CACNA1D: variants seen among roughly 807,000 people sequenced by gnomAD.
The protein encoded by CACNA1D is voltage-dependent L-type calcium channel subunit alpha-1D.
Under a neutral mutation model 257.1 loss-of-function variants are expected in CACNA1D, and 55 were observed. The observed-to-expected ratio is 0.21, with a 90% CI of 0.17 to 0.27. CACNA1D has a LOEUF of 0.27. CACNA1D is among the 10% of genes least tolerant of loss of function. The pLI, the probability that CACNA1D is intolerant of heterozygous loss-of-function variation, is 1.00. For synonymous variants in CACNA1D, 980 were observed against 1,014.9 expected (o/e 0.97, Z 0.65); for missense variants, 1,876 against 2,784.0 (o/e 0.67, Z 7.34).
intron 3 of CACNA1D, among the ~76,000 whole-genome samples, chr3:53,641,946 T>A (rs2093957310): frequency 6.6e-6 from 1 of 152,164 alleles, no homozygotes; most frequent in Non-Finnish European, 1.5e-5. Flanking sequence ...CCTCAACATT[T>A]TAGAGACATG....
chr3:53,596,527 G>C (rs2093372306), intron 3 of CACNA1D, among the ~76,000 whole-genome samples: 1 of 152,168 alleles, frequency 6.6e-6, no homozygotes, highest in African/African-American at 2.4e-5. Flanking sequence ...ATTAACTTCA[G>C]AATCTTGAGA....
rs760976753 is a variant in CACNA1D, at chr3:53,774,699, C to T, written c.4202+21C>T. The T allele has an allele frequency of 1.4e-5, 21 of 1,508,058 alleles. No individual in the cohort carries two copies. The highest frequency in any genetic ancestry group is 1.3e-4 in the South Asian group (12 of 88,956). 93.4% of individuals were successfully genotyped at this position (1,508,058 alleles called of 1,614,324 possible). A position where few individuals can be genotyped will look rare whatever the true frequency, so the allele number is the denominator to read the frequency against. On this transcript the variant is annotated intron_variant, in intron 34 of 47. Transcript: ENST00000350061. This position sits in a 1 kb window ranked among gnomAD's most constrained non-coding sequence, Gnocchi z 4.3. ...TTCAGGTGACTGCAACTGGCTTGGG[C>T]GGTGCTCCTGGGCAGGGGGGTCCGC...
intron 3 of CACNA1D, among the ~76,000 whole-genome samples, chr3:53,579,441 G>T (rs1276610621): frequency 6.6e-6 from 1 of 152,178 alleles, no homozygotes; most frequent in African/African-American, 2.4e-5. Flanking sequence ...CCCAGTTAAA[G>T]ATGCCTCATA....
At chr3:53,808,442 A>C in intron 45 of CACNA1D, 2 of 592,584 alleles carry the variant, frequency 3.4e-6, no homozygotes, top group Non-Finnish European at 6.0e-6. Context: ...GTAAGTTTGT[A>C]CTTTAAAAAA....
intron 19 of CACNA1D, 86 bp downstream of exon 19, chr3:53,733,048 G>A (rs2095015126): frequency 1.4e-6 from 2 of 1,392,730 alleles, no homozygotes; most frequent in Non-Finnish European, 2.0e-6. Flanking sequence ...TGGGGGTGAG[G>A]GGAAGTGGTT....
intron 10 of CACNA1D, 157 bp downstream of exon 10, chr3:53,718,545 G>A (rs1298776382): frequency 9.6e-7 from 1 of 1,043,110 alleles, no homozygotes; most frequent in African/African-American, 1.6e-5. Flanking sequence ...TTCCTCCTGT[G>A]CCAGGGCTAT....
chr3:53,649,648 T>C (rs2094067031), intron 3 of CACNA1D, among the ~76,000 whole-genome samples: 1 of 152,238 alleles, frequency 6.6e-6, no homozygotes, highest in African/African-American at 2.4e-5. Flanking sequence ...CTATTTTATT[T>C]TGACCTCTTG....
At chr3:53,745,602 C>A (rs376510141) in intron 23 of CACNA1D, 22 bp from the exon 24 acceptor site, 62 of 1,528,146 alleles carry the variant, frequency 4.1e-5, no homozygotes, top group Non-Finnish European at 5.6e-5. Flanking sequence ...AGAAGAGTCA[C>A]GCCCCTCTGC....
At chr3:53,651,366 CTTTTTTTTTT>C (rs779207160) in intron 4 of CACNA1D, among the ~76,000 whole-genome samples, 3 of 81,836 alleles carry the variant, frequency 3.7e-5, no homozygotes, top group Non-Finnish European at 6.9e-5. Flanking sequence ...TATTAATTTT[CTTTTTTTTTT>C]TTTTTTTTTT....
At chr3:53,628,032 T>TAAATA (rs1350178521) in intron 3 of CACNA1D, among the ~76,000 whole-genome samples, 3 of 151,746 alleles carry the variant, frequency 2.0e-5, no homozygotes, top group African/African-American at 4.8e-5. Context: ...AAAAAATAAA[T>TAAATA]AAATAAAATA....
intron 20 of CACNA1D, among the ~76,000 whole-genome samples, chr3:53,736,618 G>A (rs1035584473): frequency 9.9e-5 from 15 of 152,262 alleles, no homozygotes; most frequent in Non-Finnish European, 1.6e-4. Context: ...TTGGCTGGGC[G>A]TGGTGGCTTA....
chr3:53,746,217 A>C (rs2095167664), intron 25 of CACNA1D, among the ~76,000 whole-genome samples: 1 of 152,170 alleles, frequency 6.6e-6, no homozygotes, highest in South Asian at 2.1e-4. Context: ...CTGAAATAAC[A>C]ATTATGAAAT....
At chr3:53,795,882 G>T (rs1246170836) in intron 40 of CACNA1D, among the ~76,000 whole-genome samples, 3 of 152,196 alleles carry the variant, frequency 2.0e-5, no homozygotes, top group Non-Finnish European at 4.4e-5. Context: ...AGGGGAGCTT[G>T]TGGGGGTCAT....
rs375672187 is a variant in CACNA1D at position 53,672,691 on chromosome 3, T to C, written c.1117-332T>C. Among the ~76,000 whole-genome samples the C allele has an allele frequency of 6.6e-5, 10 of 151,780 alleles. No individual in the cohort carries two copies. The South Asian group carries it at 1.2e-3, about 19-fold the overall frequency. ...GACAGTTTCCTGTAAGAAAAAGCCA[T>C]ATCCCAGCTGATTTTCCTTCCTGGG... is the stretch of plus-strand genomic sequence containing the variant. On this transcript the variant is annotated intron_variant, in intron 7 of 47. Transcript: ENST00000350061.
intron 3 of CACNA1D, among the ~76,000 whole-genome samples, chr3:53,623,973 G>C (rs1192620049): frequency 6.6e-6 from 1 of 152,266 alleles, no homozygotes; most frequent in East Asian, 1.9e-4. Context: ...CAGAGTTCTG[G>C]CTTTTCAACA....
rs1414022329 is a variant in CACNA1D, at chr3:53,808,730, C to T, written c.5831C>T (p.Pro1944Leu). The T allele has an allele frequency of 6.2e-7, 1 of 1,608,890 alleles. No individual in the cohort carries two copies. The highest frequency in any genetic ancestry group is 8.5e-7 in the Non-Finnish European group (1 of 1,179,992). The change falls in exon 46 of 48, where the codon CCC becomes CTC. Residue 1944 changes from proline (P) to leucine (L), a missense_variant. Physicochemically the swap from Pro to Leu is moderately conservative, Grantham distance 98. Coordinates refer to ENST00000350061, the MANE Select transcript of CACNA1D (RefSeq NM_001128840.3). ...QEEVPSSPIF[P>L]HRTALPLHLM... is the part of the protein sequence containing the mutation. ...GAGGTCCCGTCGTCTCCCATCTTCC[C>T]CCATCGCACGGCCCTGCCTCTGCAT...
At chr3:53,617,901 A>G (rs1235516360) in intron 3 of CACNA1D, among the ~76,000 whole-genome samples, 1 of 152,178 alleles carries the variant, frequency 6.6e-6, no homozygotes, top group East Asian at 1.9e-4. Context: ...CCCTGTAAGG[A>G]GAGTCACTTG....
At chr3:53,740,643 G>A (rs978780113) in intron 21 of CACNA1D, among the ~76,000 whole-genome samples, 2 of 137,924 alleles carry the variant, frequency 1.5e-5, no homozygotes, top group African/African-American at 5.4e-5. Context: ...TTTTTCCTGT[G>A]ACCATTCCAA....
At position 53,751,732 on chromosome 3, in the gene CACNA1D, C is replaced by T; in HGVS notation, c.3517-17C>T. 5 of 1,614,172 alleles carry T rather than the reference C, an allele frequency of 3.1e-6. No homozygotes were observed. Among genetic ancestry groups the T allele is most frequent in the Non-Finnish European group, 4.2e-6 (5 of 1,179,984 alleles). ...AAGTGCTCAGAACCCCGTTTCTGCC[C>T]TTTTCTGCTGTTGCAGCGTCAGTGT... On this transcript the variant is annotated splice_polypyrimidine_tract_variant and intron_variant, in intron 27 of 47. Coordinates refer to ENST00000350061, the MANE Select transcript of CACNA1D (RefSeq NM_001128840.3). The surrounding 1 kb of genome is among the most constrained non-coding windows in gnomAD (Gnocchi z 4.3).
Sources: allele counts gnomAD v4.1 joint callset (sites outside exome capture counted in the v4.1 genomes callset), GRCh38; gene constraint gnomAD v4.1.1; non-coding constraint Gnocchi (gnomAD v3.1); transcripts MANE v1.5; gene names NCBI Gene and HGNC (gene_info 2026-07-23, HGNC 2026-07-21).